Variants in IFT81 observed in about 807,000 individuals in gnomAD.
The protein encoded by IFT81 is intraflagellar transport 81, also known as intraflagellar transport protein 81 homolog.
IFT81 carries 72 observed loss-of-function variants against 102.6 expected under a neutral mutation model. That is an observed-to-expected ratio of 0.70 (90% confidence interval 0.58 to 0.85). IFT81 has a LOEUF of 0.85. Ranked by LOEUF, IFT81 falls within the 40% of genes least tolerant of loss-of-function variation. The probability of loss-of-function intolerance (pLI) is 0.00; values close to 1 mark genes in which losing one functional copy is unlikely to be tolerated. For synonymous variants in IFT81, 237 were observed against 242.7 expected (o/e 0.98, Z 0.22); for missense variants, 723 against 787.3 (o/e 0.92, Z 0.98).
At position 110,143,215 on chromosome 12, in the gene IFT81, T is replaced by C. The variant is rs113298232; in HGVS notation, c.782-167T>C. The stretch of plus-strand genomic sequence containing the variant: ...TATGTTTCTTCATTTTCATTGTAAT[T>C]AACAATAAAATATTTCAATGGCCAA... On this transcript the variant is annotated intron_variant, in intron 8 of 18. Transcript: ENST00000242591. Among the ~76,000 whole-genome samples the C allele has an allele frequency of 2.0e-3, 310 of 152,276 alleles. 3 individuals are homozygous for C. Among genetic ancestry groups the C allele is most frequent in the African/African-American group, 7.1e-3 (294 of 41,568 alleles).
intron 10 of IFT81, among the ~76,000 whole-genome samples, chr12:110,155,436 G>A (rs1300822221): frequency 1.3e-5 from 2 of 151,946 alleles, no homozygotes; most frequent in African/African-American, 2.4e-5. Context: ...TCAGCCTCCC[G>A]AGTAGCTGGG....
Position 110,128,126 on chromosome 12 carries a change from A to G in IFT81, c.225A>G (p.Lys75=), listed in dbSNP as rs771463628. 1.2e-6 allele frequency: 2 copies of G among 1,611,296 alleles called. No homozygotes were observed. Among genetic ancestry groups the G allele is most frequent in the African/African-American group, 1.3e-5 (1 of 74,818 alleles). Residue 75 remains lysine, a synonymous_variant, in exon 3 of 19, where the codon AAA becomes AAG. Coordinates refer to ENST00000242591, the MANE Select transcript of IFT81 (RefSeq NM_014055.4). ...MLSLLGILKY[K]PSGNATDMST... is the part of the protein sequence containing the mutation. Reference sequence around the variant, plus strand: ...GCCTTCTTGGTATTCTTAAGTACAAACCTTCAGGAAATGCCACAGATATGT... The same window carrying G: ...GCCTTCTTGGTATTCTTAAGTACAAGCCTTCAGGAAATGCCACAGATATGT...
intron 4 of IFT81, among the ~76,000 whole-genome samples, chr12:110,129,536 A>G (rs1000857389): frequency 4.6e-5 from 7 of 152,296 alleles, no homozygotes; most frequent in Non-Finnish European, 1.0e-4. Context: ...AATTGACACT[A>G]TCCCAGGCAA....
chr12:110,180,915 A>C (rs932349534), intron 12 of IFT81, among the ~76,000 whole-genome samples: 12 of 152,238 alleles, frequency 7.9e-5, no homozygotes, highest in Admixed American at 3.9e-4. Context: ...ATTTCTAAGC[A>C]GCCACTTCCA....
chr12:110,130,421 G>A (rs1439705767), intron 4 of IFT81, among the ~76,000 whole-genome samples: 1 of 149,874 alleles, frequency 6.7e-6, no homozygotes, highest in African/African-American at 2.5e-5. Context: ...GCTGGATGGA[G>A]TGCAGTGGTG....
chr12:110,197,583 T>C (rs190481468), intron 14 of IFT81, among the ~76,000 whole-genome samples: 2,883 of 144,824 alleles, frequency 0.02, 101 homozygotes, highest in African/African-American at 0.069. Context: ...TATATATATA[T>C]ACCTCACTTA....
intron 10 of IFT81, among the ~76,000 whole-genome samples, chr12:110,159,658 G>A (rs1285418669): frequency 2.0e-5 from 3 of 152,210 alleles, no homozygotes; most frequent in Non-Finnish European, 2.9e-5. Flanking sequence ...ACTTCAGTAA[G>A]AGGGGGAGGG....
intron 8 of IFT81, among the ~76,000 whole-genome samples, chr12:110,140,102 A>C: frequency 6.6e-6 from 1 of 151,934 alleles, no homozygotes; most frequent in East Asian, 1.9e-4. Context: ...AAAATGTATT[A>C]AATTTTTTTT....
At chr12:110,177,213 TA>T (rs1260585306) in intron 11 of IFT81, among the ~76,000 whole-genome samples, 1 of 152,222 alleles carries the variant, frequency 6.6e-6, no homozygotes, top group Non-Finnish European at 1.5e-5. Flanking sequence ...AAAAATATTT[TA>T]AACTTTCTTC....
At chr12:110,130,381 TC>T (rs146439540) in intron 4 of IFT81, among the ~76,000 whole-genome samples, 1 of 151,392 alleles carries the variant, frequency 6.6e-6, no homozygotes, top group Non-Finnish European at 1.5e-5. Context: ...TTTTTTTTTT[TC>T]CGAGACAGAG....
intron 18 of IFT81, among the ~76,000 whole-genome samples, chr12:110,211,927 T>C (rs941185089): frequency 2.0e-5 from 3 of 152,222 alleles, no homozygotes; most frequent in African/African-American, 7.2e-5. Context: ...TTCTGAAACC[T>C]GTAAATGATT....
rs1328979642 is a variant in IFT81, at chr12:110,177,924, A to G, written c.1189-2498A>G. On this transcript the variant is annotated intron_variant, in intron 11 of 18. Coordinates refer to ENST00000242591, the MANE Select transcript of IFT81 (RefSeq NM_014055.4). ...AGCCTGGCCAACATGGTGAAACCCC[A>G]TCTCTACTAAAAATACAAAAATTAG... Among the ~76,000 whole-genome samples the G allele has an allele frequency of 5.3e-3, 672 of 127,618 alleles. No individual in the cohort carries two copies. In the Middle Eastern group the frequency reaches 0.058, roughly 11 times the overall value. 83.7% of individuals were successfully genotyped at this position (127,618 alleles called of 152,430 possible).
intron 8 of IFT81, among the ~76,000 whole-genome samples, chr12:110,142,232 A>G (rs2137352857): frequency 1.3e-5 from 2 of 152,122 alleles, no homozygotes; most frequent in South Asian, 4.2e-4. Flanking sequence ...TGGTGACACG[A>G]TCTTGGCTCA....
At chr12:110,127,333 A>AT (rs763051034) in intron 1 of IFT81, 27 bp from the exon 2 acceptor site, 562 of 1,416,358 alleles carry the variant, frequency 4.0e-4, no homozygotes, top group Admixed American at 1.6e-3. Flanking sequence ...AGTATTAAGG[A>AT]TTTTTTTTTC....
At chr12:110,200,570 G>A (rs1345471931) in intron 14 of IFT81, among the ~76,000 whole-genome samples, 1 of 152,092 alleles carries the variant, frequency 6.6e-6, no homozygotes, top group Non-Finnish European at 1.5e-5. Context: ...TGTACACTAT[G>A]ATAGACTTTG....
chr12:110,206,675 TAAAA>T (rs551478493), intron 17 of IFT81, among the ~76,000 whole-genome samples: 1 of 129,032 alleles, frequency 7.8e-6, no homozygotes. Context: ...ACTCTGTCTT[TAAAA>T]AAAAAAAAAA....
intron 8 of IFT81, 82 bp downstream of exon 8, chr12:110,136,942 G>C: frequency 2.4e-6 from 2 of 836,266 alleles, no homozygotes; most frequent in South Asian, 3.7e-5. Flanking sequence ...CAATTTGTGA[G>C]AATTAGTTAT....
chr12:110,193,098 G>T (rs571068939), intron 14 of IFT81, among the ~76,000 whole-genome samples: 15 of 152,256 alleles, frequency 9.9e-5, no homozygotes, highest in Non-Finnish European at 1.6e-4. Flanking sequence ...AGAAGGTCAG[G>T]ATTGCAGTGA....
At chr12:110,125,435 C>G (rs1893772525) in intron 1 of IFT81, among the ~76,000 whole-genome samples, 2 of 152,162 alleles carry the variant, frequency 1.3e-5, no homozygotes, top group Non-Finnish European at 2.9e-5. Flanking sequence ...CTCTCTGTCC[C>G]CCAGGCTGGA....
Sources: allele counts gnomAD v4.1 joint callset (sites outside exome capture counted in the v4.1 genomes callset), GRCh38; gene constraint gnomAD v4.1.1; transcripts MANE v1.5; gene names NCBI Gene and HGNC (gene_info 2026-07-23, HGNC 2026-07-21).